ACADSB: variants seen among roughly 807,000 people sequenced by gnomAD.
ACADSB encodes acyl-CoA dehydrogenase short/branched chain.
A neutral mutation model predicts 54.1 loss-of-function variants in ACADSB; 40 were observed. That is an observed-to-expected ratio of 0.74 (90% CI 0.57 to 0.96). ACADSB has a LOEUF of 0.96. ACADSB is among the 40% of genes least tolerant of loss of function. The pLI, the probability that ACADSB is intolerant of heterozygous loss-of-function variation, is 0.00. For missense variants in ACADSB, 530 were observed against 510.4 expected (o/e 1.04, Z -0.37); for synonymous variants, 182 against 182.8 (o/e 1.00, Z 0.03).
chr10:123,040,948 G>C (rs539770535), intron 4 of ACADSB, among the ~76,000 whole-genome samples: 1 of 152,066 alleles, frequency 6.6e-6, no homozygotes, highest in Non-Finnish European at 1.5e-5. Context: ...TTTCATTTAC[G>C]TTGTGATGTC....
At chr10:123,042,916 A>G (rs1448808518) in intron 5 of ACADSB, 130 bp from the exon 6 acceptor site, 1 of 962,868 alleles carries the variant, frequency 1.0e-6, no homozygotes. Flanking sequence ...CATAATGCCC[A>G]TGTTGCAATT....
In ACADSB at chr10:123,053,068, G is replaced by A; in HGVS notation, c.1136G>A (p.Gly379Glu). Residue 379 changes from glycine to glutamate, a missense_variant, in exon 10 of 11, where the codon GGA (glycine) becomes GAA (glutamate). Physicochemically the swap from Gly to Glu is moderately conservative, Grantham distance 98 (BLOSUM62 -2). Transcript: ENST00000358776. The part of the protein sequence containing the change: ...MAKYYASEIA[G>E]QTTSKCIEWM... ...TGCACTTGCTTTTGGTAGATTGCAG[G>A]ACAAACAACGAGTAAATGTATCGAG... 2.5e-6 allele frequency: 4 copies of A among 1,613,842 alleles called. No homozygotes were observed. The highest frequency in any genetic ancestry group is 3.4e-6 in the Non-Finnish European group (4 of 1,179,826).
chr10:123,023,793 A>C (rs575487113), intron 1 of ACADSB, among the ~76,000 whole-genome samples: 116 of 152,348 alleles, frequency 7.6e-4, no homozygotes, highest in African/African-American at 2.8e-3. Context: ...CCCATTCAGC[A>C]GCAAACTCCA....
chr10:123,022,487 T>C (rs1850195801), intron 1 of ACADSB, among the ~76,000 whole-genome samples: 3 of 152,234 alleles, frequency 2.0e-5, no homozygotes, highest in Non-Finnish European at 4.4e-5. Context: ...GAGCTAACTA[T>C]GACATGAACC....
Position 123,051,188 on chromosome 10 carries a change from TAAAAAAAAAAAAAAAAAA to T in ACADSB, c.1128+9_1128+26del, listed in dbSNP as rs10571424. On this transcript the variant is annotated splice_donor_5th_base_variant and intron_variant, in intron 9 of 10. Coordinates refer to ENST00000358776, the MANE Select transcript of ACADSB (RefSeq NM_001609.4). ...ATGGCCAAATACTATGCATCAGAGG[TAAAAAAAAAAAAAAAAAA>T]AAAAAAGGAAAAAGTAATTCAGCCT... 2 of 1,018,036 alleles carry T rather than the reference TAAAAAAAAAAAAAAAAAA, an allele frequency of 2.0e-6. No homozygotes were observed. Among genetic ancestry groups the T allele is most frequent in the South Asian group, 2.0e-5 (1 of 50,694 alleles). The allele number at this position is 1,018,036 out of a possible 1,614,324, so 63.1% of individuals were successfully genotyped here.
chr10:123,017,680 G>A (rs1850125604), intron 1 of ACADSB, among the ~76,000 whole-genome samples: 1 of 151,900 alleles, frequency 6.6e-6, no homozygotes, highest in African/African-American at 2.4e-5. Flanking sequence ...TGAAGAGCCG[G>A]GCTTTCCTGC....
chr10:123,046,637 T>C (rs1462201191), intron 7 of ACADSB, among the ~76,000 whole-genome samples: 1 of 152,214 alleles, frequency 6.6e-6, no homozygotes, highest in Non-Finnish European at 1.5e-5. Context: ...TCAGTATTGT[T>C]TTAAATCAGA....
At chr10:123,009,158 C>T (rs1370544980) in intron 1 of ACADSB, 87 bp downstream of exon 1, 8 of 1,421,474 alleles carry the variant, frequency 5.6e-6, no homozygotes, top group South Asian at 4.9e-5. Context: ...TAACGGGCCT[C>T]GGGGCGCCGG....
intron 1 of ACADSB, among the ~76,000 whole-genome samples, chr10:123,019,680 A>G (rs1296142849): frequency 2.0e-5 from 3 of 152,228 alleles, no homozygotes; most frequent in African/African-American, 7.2e-5. Flanking sequence ...CAACTTTTAC[A>G]ATATGATACA....
chr10:123,040,322 G>T, intron 3 of ACADSB, 144 bp from the exon 4 acceptor site: 2 of 748,064 alleles, frequency 2.7e-6, no homozygotes, highest in Non-Finnish European at 4.3e-6. Flanking sequence ...TTGCACTCCA[G>T]CCTGGGAGAC....
intron 8 of ACADSB, among the ~76,000 whole-genome samples, chr10:123,050,311 T>C (rs898231507): frequency 2.0e-5 from 3 of 152,236 alleles, no homozygotes; most frequent in Non-Finnish European, 1.5e-5. Flanking sequence ...CAAGGAACTC[T>C]GGCTGTAATG....
chr10:123,011,059 T>G (rs6599641), intron 1 of ACADSB, among the ~76,000 whole-genome samples: 116,132 of 152,044 alleles, frequency 0.76, 45,863 homozygotes, highest in Non-Finnish European at 0.88. Flanking sequence ...TTTGGATTGT[T>G]AGGAGCCATT....
At chr10:123,030,908 T>G (rs1233625477) in intron 1 of ACADSB, among the ~76,000 whole-genome samples, 1 of 152,212 alleles carries the variant, frequency 6.6e-6, no homozygotes, top group African/African-American at 2.4e-5. Context: ...GGATTCAAAA[T>G]GCATAAAATA....
chr10:123,041,074 C>A, intron 4 of ACADSB, 135 bp from the exon 5 acceptor site: 1 of 986,090 alleles, frequency 1.0e-6, no homozygotes, highest in Non-Finnish European at 1.5e-6. Flanking sequence ...AATACCATTG[C>A]TATTTTCATA....
chr10:123,014,041 G>T (rs1233355063), intron 1 of ACADSB, among the ~76,000 whole-genome samples: 1 of 152,224 alleles, frequency 6.6e-6, no homozygotes, highest in African/African-American at 2.4e-5. Flanking sequence ...AGCGAGGGCT[G>T]CCAGCATGCT....
chr10:123,039,507 A>G (rs1403448999), intron 3 of ACADSB, among the ~76,000 whole-genome samples: 1 of 152,198 alleles, frequency 6.6e-6, no homozygotes, highest in Non-Finnish European at 1.5e-5. Flanking sequence ...CTTGGCTGGC[A>G]CTGGTCGTGT....
In ACADSB at chr10:123,057,860, A is replaced by G. The variant is rs1679600871; in HGVS notation, c.*4095A>G. The G allele has an allele frequency of 6.6e-6, 1 of 152,240 alleles. No homozygotes were observed. The highest frequency in any genetic ancestry group is 1.5e-5 in the Non-Finnish European group (1 of 68,040). 9.4% of individuals were successfully genotyped at this position (152,240 alleles called of 1,614,324 possible). A position where few individuals can be genotyped will look rare whatever the true frequency, so the allele number is the denominator to read the frequency against. Reference sequence around the variant, plus strand: ...TACTTGGGGACAAGAATTAGTCCCCAAATTCAGTGTTCTTCCTAGTATTAA... The same window carrying G: ...TACTTGGGGACAAGAATTAGTCCCCGAATTCAGTGTTCTTCCTAGTATTAA... On this transcript the variant is annotated 3_prime_UTR_variant, in exon 11 of 11. Coordinates refer to ENST00000358776, the MANE Select transcript of ACADSB (RefSeq NM_001609.4).
intron 1 of ACADSB, among the ~76,000 whole-genome samples, chr10:123,032,084 A>T (rs1850334995): frequency 6.6e-6 from 1 of 151,814 alleles, no homozygotes. Flanking sequence ...GGTTCAAGCA[A>T]TTCTCCTGCC....
intron 7 of ACADSB, among the ~76,000 whole-genome samples, chr10:123,045,754 T>C (rs961832241): frequency 6.6e-6 from 1 of 152,204 alleles, no homozygotes; most frequent in Non-Finnish European, 1.5e-5. Flanking sequence ...GAAACTGCAA[T>C]ACTAGAGCTC....
Sources: gnomAD v4.1 joint callset for allele counts (sites outside exome capture counted in the v4.1 genomes callset) on GRCh38, gnomAD v4.1.1 for gene constraint, MANE v1.5 for transcripts, NCBI Gene and HGNC (gene_info 2026-07-23, HGNC 2026-07-21) for gene names.